NRCAM: variants seen among roughly 807,000 people sequenced by gnomAD.
NRCAM encodes NgCAM-related cell adhesion molecule.
NRCAM carries 83 observed loss-of-function variants against 156.5 expected under a neutral mutation model. The observed-to-expected ratio is 0.53, with a 90% CI of 0.44 to 0.64. The LOEUF is 0.64. Ranked by LOEUF, NRCAM falls within the 30% of genes least tolerant of loss-of-function variation. The pLI, the probability that NRCAM is intolerant of heterozygous loss-of-function variation, is 0.00. For missense variants in NRCAM, 1,417 were observed against 1,597.3 expected (o/e 0.89, Z 1.92); for synonymous variants, 538 against 563.9 (o/e 0.95, Z 0.65).
intron 3 of NRCAM, among the ~76,000 whole-genome samples, chr7:108,241,875 G>A (rs1438930882): frequency 1.3e-5 from 2 of 152,068 alleles, no homozygotes; most frequent in Non-Finnish European, 2.9e-5. Context: ...GTGCTTAAAT[G>A]TTAAAAGGAA....
intron 1 of NRCAM, among the ~76,000 whole-genome samples, chr7:108,412,870 A>T (rs1797132189): frequency 6.6e-6 from 1 of 152,200 alleles, no homozygotes; most frequent in Admixed American, 6.5e-5. Context: ...GTCGTGAATG[A>T]CAGGATCTTA....
intron 1 of NRCAM, among the ~76,000 whole-genome samples, chr7:108,413,853 G>A (rs1219024231): frequency 6.6e-6 from 1 of 152,142 alleles, no homozygotes; most frequent in Non-Finnish European, 1.5e-5. Flanking sequence ...CTTGCTCAGT[G>A]TAAAGTCCCT....
At chr7:108,289,058 G>A (rs2098200737) in intron 3 of NRCAM, among the ~76,000 whole-genome samples, 1 of 152,038 alleles carries the variant, frequency 6.6e-6, no homozygotes, top group Non-Finnish European at 1.5e-5. Context: ...CTAGGACTTG[G>A]AGCGATCACA....
intron 2 of NRCAM, among the ~76,000 whole-genome samples, chr7:108,389,208 A>G (rs1563574809): frequency 6.6e-6 from 1 of 152,120 alleles, no homozygotes. Context: ...ATGTTCTTCC[A>G]TTTGTTTGTG....
chr7:108,401,750 T>G (rs946067065), intron 1 of NRCAM, among the ~76,000 whole-genome samples: 1 of 152,144 alleles, frequency 6.6e-6, no homozygotes, highest in Non-Finnish European at 1.5e-5. Context: ...TTTAGAATTT[T>G]AACAAAGCTA....
At chr7:108,314,472 T>A (rs2098856084) in intron 2 of NRCAM, among the ~76,000 whole-genome samples, 1 of 152,098 alleles carries the variant, frequency 6.6e-6, no homozygotes, top group South Asian at 2.1e-4. Flanking sequence ...AGTCAAAAGG[T>A]CAAGATAAGA....
At chr7:108,152,751 CTA>C (rs1200302796) in intron 32 of NRCAM, among the ~76,000 whole-genome samples, 1 of 152,070 alleles carries the variant, frequency 6.6e-6, no homozygotes, top group Non-Finnish European at 1.5e-5. Flanking sequence ...CCTGTAAAGT[CTA>C]AAATATTTAG....
intron 20 of NRCAM, among the ~76,000 whole-genome samples, chr7:108,188,185 G>C (rs1404529020): frequency 2.6e-5 from 4 of 152,078 alleles, no homozygotes; most frequent in Non-Finnish European, 5.9e-5. Context: ...CCAGAGTACA[G>C]TCTACACAGG....
At chr7:108,198,508 A>G (rs1357715562) in intron 13 of NRCAM, among the ~76,000 whole-genome samples, 2 of 152,140 alleles carry the variant, frequency 1.3e-5, no homozygotes, top group African/African-American at 4.8e-5. Flanking sequence ...AGATGCAGAA[A>G]AAAAACTCTT....
intron 3 of NRCAM, among the ~76,000 whole-genome samples, chr7:108,282,500 G>A (rs923199679): frequency 6.6e-6 from 1 of 152,036 alleles, no homozygotes; most frequent in Admixed American, 6.6e-5. Context: ...TTTCTATTTG[G>A]TACTTGGAAC....
chr7:108,390,390 G>C (rs2099755814), intron 2 of NRCAM, among the ~76,000 whole-genome samples: 1 of 152,100 alleles, frequency 6.6e-6, no homozygotes, highest in South Asian at 2.1e-4. Context: ...ACTGGTGGTA[G>C]TTTGTATTTC....
At chr7:108,336,291 T>C (rs180783284) in intron 2 of NRCAM, among the ~76,000 whole-genome samples, 1 of 152,318 alleles carries the variant, frequency 6.6e-6, no homozygotes, top group African/African-American at 2.4e-5. Context: ...AGAGCTTCTG[T>C]TATTCGGTAT....
intron 1 of NRCAM, among the ~76,000 whole-genome samples, chr7:108,442,835 G>A (rs1211227985): frequency 1.3e-5 from 2 of 152,148 alleles, no homozygotes; most frequent in African/African-American, 4.8e-5. Flanking sequence ...CTCCTGTCTA[G>A]GGCCTTAAAC....
chr7:108,207,043 A>T (rs1484260964), intron 13 of NRCAM, among the ~76,000 whole-genome samples: 1 of 152,168 alleles, frequency 6.6e-6, no homozygotes, highest in Non-Finnish European at 1.5e-5. Flanking sequence ...GTGACCTTGG[A>T]AGACAGTGAG....
At chr7:108,180,958 A>G (rs951878269) in intron 24 of NRCAM, among the ~76,000 whole-genome samples, 4 of 152,184 alleles carry the variant, frequency 2.6e-5, no homozygotes, top group Non-Finnish European at 1.5e-5. Context: ...GCCACAGGGG[A>G]TCCTCCACTG....
chr7:108,432,498 T>G (rs868117275), intron 1 of NRCAM, among the ~76,000 whole-genome samples: 1 of 152,142 alleles, frequency 6.6e-6, no homozygotes, highest in African/African-American at 2.4e-5. Context: ...ACCCAGTAAA[T>G]GGACATGTTG....
intron 5 of NRCAM, among the ~76,000 whole-genome samples, chr7:108,236,716 T>A (rs1212467686): frequency 6.6e-6 from 1 of 152,218 alleles, no homozygotes; most frequent in Non-Finnish European, 1.5e-5. Flanking sequence ...ATAATCATTT[T>A]TTATTTGGAC....
chr7:108,314,623 A>G (rs546727211), intron 2 of NRCAM, among the ~76,000 whole-genome samples: 1 of 152,356 alleles, frequency 6.6e-6, no homozygotes, highest in African/African-American at 2.4e-5. Context: ...AAAAATTCAA[A>G]TAATTCTGAA....
chr7:108,336,571 A>G (rs2099194246), intron 2 of NRCAM, among the ~76,000 whole-genome samples: 1 of 152,198 alleles, frequency 6.6e-6, no homozygotes, highest in African/African-American at 2.4e-5. Context: ...AGCGAAGAAT[A>G]TAGTTTTCCA....
Sources: allele counts gnomAD v4.1 joint callset (sites outside exome capture counted in the v4.1 genomes callset), GRCh38; gene constraint gnomAD v4.1.1; transcripts MANE v1.5; gene names NCBI Gene and HGNC (gene_info 2026-07-23, HGNC 2026-07-21).